LSAMP: variants seen among roughly 807,000 people sequenced by gnomAD.
LSAMP encodes the protein limbic system-associated membrane protein.
A neutral mutation model predicts 38.6 loss-of-function variants in LSAMP; 7 were observed. The ratio of observed to expected loss-of-function variants is 0.18; its 90% CI spans 0.10 to 0.34. LSAMP has a LOEUF of 0.34. Ranked by LOEUF, LSAMP falls within the 10% of genes least tolerant of loss-of-function variation. The probability of loss-of-function intolerance (pLI) is 1.00; values close to 1 mark genes in which losing one functional copy is unlikely to be tolerated. For synonymous variants in LSAMP, 154 were observed against 166.8 expected (o/e 0.92, Z 0.59); for missense variants, 313 against 420.0 (o/e 0.75, Z 2.23).
chr3:115,905,755 C>G (rs1238402494), intron 3 of LSAMP, among the ~76,000 whole-genome samples: 1 of 152,138 alleles, frequency 6.6e-6, no homozygotes. Flanking sequence ...TTCCCCTCCC[C>G]TTGCATTGGT....
chr3:116,028,801 G>T (rs1455454944), intron 2 of LSAMP, among the ~76,000 whole-genome samples: 3 of 152,036 alleles, frequency 2.0e-5, no homozygotes, highest in South Asian at 4.1e-4. Context: ...ATTGCCAAAA[G>T]GTGTAGATAA....
Position 116,335,870 on chromosome 3 carries a change from C to T in LSAMP, c.155+109007G>A, listed in dbSNP as rs143178528. ...AAAAACACAATGGTAGTATGGGTAT[C>T]GAACTTACAGTTTCTACTCAAGATG... On this transcript the variant is annotated intron_variant, in intron 1 of 6. Transcript: ENST00000490035. Among the ~76,000 whole-genome samples the T allele has an allele frequency of 7.5e-3, 1,135 of 152,060 alleles. 7 individuals are homozygous for T. The highest frequency in any genetic ancestry group is 0.012 in the Non-Finnish European group (828 of 67,914).
chr3:116,098,297 A>G (rs7652011), intron 1 of LSAMP, among the ~76,000 whole-genome samples: 1 of 151,942 alleles, frequency 6.6e-6, no homozygotes, highest in East Asian at 2.0e-4. Context: ...TCAGGAGTTC[A>G]AGACCAGCTT....
chr3:116,379,696 T>C (rs2048533751), intron 1 of LSAMP, among the ~76,000 whole-genome samples: 1 of 151,978 alleles, frequency 6.6e-6, no homozygotes, highest in South Asian at 2.1e-4. Flanking sequence ...AAAATATATA[T>C]ATTTATAGGA....
chr3:116,226,387 TTTCTGACACCCCTTGG>T (rs1258995331), intron 1 of LSAMP, among the ~76,000 whole-genome samples: 2 of 152,252 alleles, frequency 1.3e-5, no homozygotes, highest in African/African-American at 4.8e-5. Context: ...TAAAATTTTC[TTTCTGACACCCCTTGG>T]TTCCTTCTCA....
chr3:115,998,153 C>A (rs995754817), intron 3 of LSAMP, among the ~76,000 whole-genome samples: 1 of 151,462 alleles, frequency 6.6e-6, no homozygotes, highest in Admixed American at 6.6e-5. Flanking sequence ...TCAACTAGGA[C>A]ACAGTGAGAG....
intron 1 of LSAMP, among the ~76,000 whole-genome samples, chr3:116,427,697 G>C (rs1267879625): frequency 6.6e-6 from 1 of 152,126 alleles, no homozygotes; most frequent in Non-Finnish European, 1.5e-5. Context: ...AATGGCCCGT[G>C]CAAGTAAGGA....
chr3:116,043,910 C>A (rs1204596859), intron 2 of LSAMP, among the ~76,000 whole-genome samples: 1 of 152,228 alleles, frequency 6.6e-6, no homozygotes, highest in East Asian at 1.9e-4. Flanking sequence ...CGCGCCGCTG[C>A]ACTCCCGCCT....
intron 1 of LSAMP, among the ~76,000 whole-genome samples, chr3:116,271,731 T>G (rs183530744): frequency 8.1e-4 from 124 of 152,164 alleles, no homozygotes; most frequent in Non-Finnish European, 8.4e-4. Flanking sequence ...AAATGCAACG[T>G]GCTGACGGAT....
At chr3:115,982,691 T>C (rs1034781768) in intron 3 of LSAMP, among the ~76,000 whole-genome samples, 1 of 152,076 alleles carries the variant, frequency 6.6e-6, no homozygotes. Context: ...CCATCCCCCA[T>C]TCCTCCAGCC....
At chr3:116,155,448 G>A (rs1452960000) in intron 1 of LSAMP, among the ~76,000 whole-genome samples, 3 of 151,798 alleles carry the variant, frequency 2.0e-5, no homozygotes, top group Non-Finnish European at 4.4e-5. Flanking sequence ...GGCTGGTTTC[G>A]AACTCCTGAC....
At chr3:115,832,050 C>T (rs1283711441) in intron 6 of LSAMP, among the ~76,000 whole-genome samples, 2 of 152,064 alleles carry the variant, frequency 1.3e-5, no homozygotes. Context: ...TTTGTTTAAT[C>T]ACAGCTTGAA....
At chr3:116,249,924 T>G (rs1315106508) in intron 1 of LSAMP, among the ~76,000 whole-genome samples, 2 of 152,200 alleles carry the variant, frequency 1.3e-5, no homozygotes, top group Non-Finnish European at 2.9e-5. Flanking sequence ...ACAAAGTGCT[T>G]CTAAGAGCAT....
chr3:115,962,449 C>G (rs1416714020), intron 3 of LSAMP, among the ~76,000 whole-genome samples: 1 of 152,224 alleles, frequency 6.6e-6, no homozygotes, highest in African/African-American at 2.4e-5. Context: ...GAAGAGTGCT[C>G]TGACCTTGGA....
At chr3:116,104,935 A>G (rs1486498861) in intron 1 of LSAMP, among the ~76,000 whole-genome samples, 1 of 152,216 alleles carries the variant, frequency 6.6e-6, no homozygotes, top group Non-Finnish European at 1.5e-5. Flanking sequence ...CTCATAAAAC[A>G]TACAGCCATG....
intron 1 of LSAMP, among the ~76,000 whole-genome samples, chr3:116,272,563 T>C (rs533275965): frequency 1.3e-5 from 2 of 152,302 alleles, no homozygotes; most frequent in African/African-American, 4.8e-5. Flanking sequence ...TCGTCTTGAC[T>C]ATTTTTGAAG....
At chr3:116,194,710 T>C (rs142949369) in intron 1 of LSAMP, among the ~76,000 whole-genome samples, 58 of 152,288 alleles carry the variant, frequency 3.8e-4, no homozygotes, top group African/African-American at 1.3e-3. Context: ...GATTCCTAAA[T>C]AGCCCACTAC....
chr3:116,117,282 G>A (rs1708773742), intron 1 of LSAMP, among the ~76,000 whole-genome samples: 1 of 152,060 alleles, frequency 6.6e-6, no homozygotes, highest in Non-Finnish European at 1.5e-5. Context: ...GCTGTTTATT[G>A]CAGGAGCCCC....
intron 6 of LSAMP, among the ~76,000 whole-genome samples, chr3:115,813,805 G>A (rs1315082753): frequency 6.6e-6 from 1 of 152,160 alleles, no homozygotes; most frequent in African/African-American, 2.4e-5. Context: ...TTACTTCAGA[G>A]TTATGAAATT....
Sources: allele counts gnomAD v4.1 joint callset (sites outside exome capture counted in the v4.1 genomes callset), GRCh38; gene constraint gnomAD v4.1.1; transcripts MANE v1.5; gene names NCBI Gene and HGNC (gene_info 2026-07-23, HGNC 2026-07-21).